The following TUSC3 variants were observed in gnomAD, a reference collection of about 807,000 sequenced individuals.
TUSC3 encodes the protein tumor suppressor candidate 3, also known as dolichyl-diphosphooligosaccharide--protein glycosyltransferase subunit TUSC3.
In TUSC3, 45 loss-of-function variants were observed where a neutral mutation model predicts 44.8. The ratio of observed to expected loss-of-function variants is 1.00; its 90% confidence interval spans 0.79 to 1.29. The LOEUF (loss-of-function observed/expected upper bound fraction) is 1.29, where lower values mean the gene tolerates loss of function less well. TUSC3 is among the 50% of genes most tolerant of loss of function. The pLI is 0.00. For missense variants in TUSC3, 519 were observed against 437.9 expected (o/e 1.19, Z -1.65); for synonymous variants, 212 against 152.9 (o/e 1.39, Z -2.85).
At chr8:15,491,619 G>C (rs977295355) in intron 2 of TUSC3, among the ~76,000 whole-genome samples, 5 of 152,130 alleles carry the variant, frequency 3.3e-5, no homozygotes, top group Admixed American at 1.3e-4. Context: ...TAATTGTTTT[G>C]GGAAGTGATT....
the TUSC3 span, among the ~76,000 whole-genome samples, chr8:15,851,893 C>T: frequency 6.6e-6 from 1 of 152,054 alleles, no homozygotes; most frequent in Non-Finnish European, 1.5e-5. Flanking sequence ...GGGAGGATTC[C>T]CCCATACTGT....
At chr8:15,831,208 T>C in the TUSC3 span, among the ~76,000 whole-genome samples, 3 of 151,896 alleles carry the variant, frequency 2.0e-5, no homozygotes, top group Non-Finnish European at 2.9e-5. Context: ...CCTAAAATCT[T>C]CCAGAAGTGA....
chr8:15,716,880 T>G (rs995018374), intron 6 of TUSC3, among the ~76,000 whole-genome samples: 1 of 152,204 alleles, frequency 6.6e-6, no homozygotes, highest in South Asian at 2.1e-4. Context: ...TTGAGGACTT[T>G]AGTAATAGCT....
At chr8:15,778,444 C>T in the TUSC3 span, among the ~76,000 whole-genome samples, 1 of 152,104 alleles carries the variant, frequency 6.6e-6, no homozygotes, top group African/African-American at 2.4e-5. Context: ...TAAATTCAAG[C>T]CTGACTCACA....
At chr8:15,680,403 G>C (rs1049039167) in intron 6 of TUSC3, among the ~76,000 whole-genome samples, 13 of 151,910 alleles carry the variant, frequency 8.6e-5, no homozygotes, top group African/African-American at 2.4e-5. Context: ...TTCTTGACTT[G>C]AACGTTATTG....
intron 4 of TUSC3, 24 bp from the exon 5 acceptor site, chr8:15,662,132 G>C: frequency 6.2e-7 from 1 of 1,611,642 alleles, no homozygotes; most frequent in Non-Finnish European, 8.5e-7. Flanking sequence ...TTTCATTTTT[G>C]AAATTTCTAT....
the TUSC3 span, among the ~76,000 whole-genome samples, chr8:15,840,960 G>C: frequency 6.6e-6 from 1 of 152,104 alleles, no homozygotes; most frequent in African/African-American, 2.4e-5. Flanking sequence ...CTGTTGTATT[G>C]AAAGTGGTTG....
chr8:15,730,452 G>A (rs1053815836), intron 6 of TUSC3, among the ~76,000 whole-genome samples: 10 of 152,020 alleles, frequency 6.6e-5, no homozygotes, highest in Admixed American at 2.0e-4. Context: ...ATACTTAGTT[G>A]CCACCTAGAG....
At chr8:15,625,332 G>C (rs1351062659) in intron 2 of TUSC3, among the ~76,000 whole-genome samples, 1 of 152,100 alleles carries the variant, frequency 6.6e-6, no homozygotes, top group Non-Finnish European at 1.5e-5. Context: ...TTTAGTTTTG[G>C]TATCAGGGTA....
intron 1 of TUSC3, among the ~76,000 whole-genome samples, chr8:15,563,685 CAAAAAA>C (rs150368776): frequency 1.3e-5 from 1 of 79,974 alleles, no homozygotes; most frequent in Admixed American, 1.6e-4. Context: ...GCCTCCATCT[CAAAAAA>C]AAAAAAAAAA....
intron 6 of TUSC3, among the ~76,000 whole-genome samples, chr8:15,725,420 T>C (rs1285469487): frequency 6.6e-6 from 1 of 152,128 alleles, no homozygotes; most frequent in East Asian, 1.9e-4. Context: ...TCAGGTTGGG[T>C]ATATAAGGGA....
chr8:15,483,038 T>C (rs1202675439), intron 1 of TUSC3, among the ~76,000 whole-genome samples: 3 of 152,164 alleles, frequency 2.0e-5, no homozygotes, highest in Admixed American at 6.5e-5. Context: ...AAAGCCAACT[T>C]TAATATTTGC....
At chr8:15,762,853 G>A (rs140504733) in intron 10 of TUSC3, among the ~76,000 whole-genome samples, 120 of 152,064 alleles carry the variant, frequency 7.9e-4, no homozygotes, top group African/African-American at 2.7e-3. Context: ...AGGATCATGC[G>A]GATTGAACAG....
the TUSC3 span, among the ~76,000 whole-genome samples, chr8:15,847,043 C>T: frequency 5.3e-5 from 8 of 152,106 alleles, no homozygotes; most frequent in African/African-American, 1.7e-4. Context: ...CGCCCTAGTC[C>T]ATAACAGCAC....
At chr8:15,838,552 C>A in the TUSC3 span, among the ~76,000 whole-genome samples, 3 of 152,092 alleles carry the variant, frequency 2.0e-5, no homozygotes, top group Non-Finnish European at 4.4e-5. Context: ...TCAATGGAAA[C>A]CTTTACTTTA....
intron 1 of TUSC3, among the ~76,000 whole-genome samples, chr8:15,582,948 A>C (rs376947094): frequency 6.6e-6 from 1 of 152,180 alleles, no homozygotes; most frequent in African/African-American, 2.4e-5. Context: ...CTCAAATTGC[A>C]ATTCTTGCTT....
At chr8:15,489,424 C>G (rs1254156664) in intron 2 of TUSC3, among the ~76,000 whole-genome samples, 1 of 152,180 alleles carries the variant, frequency 6.6e-6, no homozygotes, top group Non-Finnish European at 1.5e-5. Context: ...CAGCTGTTTT[C>G]TATTCAGACC....
chr8:15,719,815 TC>T (rs1321235405), intron 6 of TUSC3, among the ~76,000 whole-genome samples: 1 of 152,026 alleles, frequency 6.6e-6, no homozygotes, highest in Non-Finnish European at 1.5e-5. Context: ...AAAGCTCAAT[TC>T]TACACAGAAT....
chr8:15,651,595 CA>C (rs911554626), intron 3 of TUSC3, among the ~76,000 whole-genome samples: 29 of 152,164 alleles, frequency 1.9e-4, no homozygotes, highest in Admixed American at 5.2e-4. Context: ...AGAAAAGGGG[CA>C]TGTTAGAACA....
Sources: gnomAD v4.1 joint callset for allele counts (sites outside exome capture counted in the v4.1 genomes callset) on GRCh38, gnomAD v4.1.1 for gene constraint, MANE v1.5 for transcripts, NCBI Gene and HGNC (gene_info 2026-07-23, HGNC 2026-07-21) for gene names.